KAT2B: variants seen among roughly 807,000 people sequenced by gnomAD.
The protein encoded by KAT2B is histone acetyltransferase KAT2B.
Under a neutral mutation model 105.9 loss-of-function variants are expected in KAT2B, and 36 were observed. The ratio of observed to expected loss-of-function variants is 0.34; its 90% CI spans 0.26 to 0.45. KAT2B has a LOEUF of 0.45. KAT2B is among the 20% of genes least tolerant of loss of function. The probability of loss-of-function intolerance (pLI) is 1.00; values close to 1 mark genes in which losing one functional copy is unlikely to be tolerated. For synonymous variants in KAT2B, 397 were observed against 377.9 expected, an observed-to-expected ratio of 1.05 and a Z score of -0.59; for missense variants, 820 against 1,021.6, an observed-to-expected ratio of 0.80 and a Z score of 2.69.
intron 1 of KAT2B, among the ~76,000 whole-genome samples, chr3:20,061,472 C>G (rs1326649240): frequency 6.6e-6 from 1 of 152,044 alleles, no homozygotes; most frequent in Non-Finnish European, 1.5e-5. Context: ...TTCCTACTTT[C>G]AATTCTTTTG....
intron 1 of KAT2B, among the ~76,000 whole-genome samples, chr3:20,065,083 TAAC>T (rs1271190693): frequency 6.6e-6 from 1 of 152,188 alleles, no homozygotes; most frequent in Non-Finnish European, 1.5e-5. Context: ...CTGCATACTA[TAAC>T]AACATCGGTT....
intron 14 of KAT2B, 184 bp downstream of exon 14, chr3:20,146,614 ACAAAC>A: frequency 2.1e-6 from 1 of 473,510 alleles, no homozygotes; most frequent in Non-Finnish European, 3.8e-6. Flanking sequence ...CCCAATACAA[ACAAAC>A]CAAAGGGAGC....
chr3:20,085,198 TA>T (rs879945197), intron 2 of KAT2B, among the ~76,000 whole-genome samples: 3 of 151,916 alleles, frequency 2.0e-5, no homozygotes, highest in Non-Finnish European at 4.4e-5. Flanking sequence ...TCTATTAATT[TA>T]AAAAAAAAGT....
At chr3:20,123,888 A>G (rs1019114554) in intron 9 of KAT2B, among the ~76,000 whole-genome samples, 5 of 152,148 alleles carry the variant, frequency 3.3e-5, no homozygotes, top group African/African-American at 1.2e-4. Flanking sequence ...ATTGCCTTGC[A>G]TCTGAGGGCA....
At chr3:20,115,049 G>A (rs576967787) in intron 7 of KAT2B, 61 bp downstream of exon 7, 1 of 947,468 alleles carries the variant, frequency 1.1e-6, no homozygotes, top group African/African-American at 1.6e-5. Flanking sequence ...AGTGTAAGTT[G>A]CAGTTCACTG....
At chr3:20,152,282 T>C in intron 17 of KAT2B, 50 bp from the exon 18 acceptor site, 1 of 1,324,726 alleles carries the variant, frequency 7.5e-7, no homozygotes, top group Non-Finnish European at 1.1e-6. Flanking sequence ...TTTTGTCAGC[T>C]GGTGTTTAAA....
intron 13 of KAT2B, among the ~76,000 whole-genome samples, chr3:20,141,190 A>C (rs148085980): frequency 1.8e-4 from 27 of 152,258 alleles, no homozygotes; most frequent in African/African-American, 6.3e-4. Flanking sequence ...CATTTACCTT[A>C]CTGTATATTA....
intron 8 of KAT2B, among the ~76,000 whole-genome samples, chr3:20,122,417 G>A (rs900743603): frequency 3.3e-5 from 5 of 152,136 alleles, no homozygotes; most frequent in Non-Finnish European, 7.4e-5. Context: ...AGGAACATGT[G>A]CCTTAATATT....
chr3:20,107,570 G>A (rs1699043774), intron 5 of KAT2B, among the ~76,000 whole-genome samples: 1 of 147,704 alleles, frequency 6.8e-6, no homozygotes, highest in Admixed American at 6.8e-5. Flanking sequence ...GGGCAGGAGA[G>A]TTGCTTGAAT....
chr3:20,041,126 A>G (rs376654765), intron 1 of KAT2B, among the ~76,000 whole-genome samples: 2 of 152,000 alleles, frequency 1.3e-5, no homozygotes, highest in African/African-American at 2.4e-5. Context: ...GGTGCTCTCC[A>G]TGTGGCGGGT....
chr3:20,108,875 C>G (rs1458241949), intron 5 of KAT2B, among the ~76,000 whole-genome samples: 1 of 152,218 alleles, frequency 6.6e-6, no homozygotes, highest in Non-Finnish European at 1.5e-5. Flanking sequence ...TACATTCTTT[C>G]TGAGAGTCTA....
At chr3:20,119,261 G>A (rs907797112) in intron 7 of KAT2B, among the ~76,000 whole-genome samples, 2 of 149,754 alleles carry the variant, frequency 1.3e-5, no homozygotes, top group Non-Finnish European at 3.0e-5. Flanking sequence ...TTATCATATG[G>A]TGGCTGCCAA....
intron 11 of KAT2B, 52 bp downstream of exon 11, chr3:20,127,601 C>T (rs749016752): frequency 6.4e-7 from 1 of 1,551,760 alleles, no homozygotes; most frequent in East Asian, 2.3e-5. Context: ...GGGCTTCTCA[C>T]TAAGGCCTGC....
At chr3:20,050,944 T>C (rs1258920958) in intron 1 of KAT2B, among the ~76,000 whole-genome samples, 1 of 152,102 alleles carries the variant, frequency 6.6e-6, no homozygotes, top group Admixed American at 6.6e-5. Context: ...CTCATGCCTA[T>C]AATCCCAGCA....
intron 1 of KAT2B, among the ~76,000 whole-genome samples, chr3:20,052,458 T>C (rs1697931570): frequency 6.6e-6 from 1 of 152,142 alleles, no homozygotes; most frequent in Non-Finnish European, 1.5e-5. Context: ...GGATCATACC[T>C]TGCACATAGT....
At chr3:20,137,890 C>G (rs1258396753) in intron 12 of KAT2B, among the ~76,000 whole-genome samples, 3 of 152,114 alleles carry the variant, frequency 2.0e-5, no homozygotes, top group Non-Finnish European at 2.9e-5. Context: ...GCCTGTAATC[C>G]TAGTACTTTG....
At chr3:20,150,444 A>G (rs1699852884) in intron 17 of KAT2B, among the ~76,000 whole-genome samples, 1 of 152,164 alleles carries the variant, frequency 6.6e-6, no homozygotes, top group African/African-American at 2.4e-5. Context: ...AGGGAGTCAC[A>G]CACTGGACAT....
At chr3:20,144,923 G>A (rs1699759880) in intron 13 of KAT2B, among the ~76,000 whole-genome samples, 1 of 151,810 alleles carries the variant, frequency 6.6e-6, no homozygotes, top group African/African-American at 2.4e-5. Flanking sequence ...AGCCTCCTGT[G>A]TAACTGGGAT....
At chr3:20,127,356 A>T in intron 10 of KAT2B, 67 bp from the exon 11 acceptor site, 2 of 1,417,798 alleles carry the variant, frequency 1.4e-6, no homozygotes, top group Admixed American at 1.8e-5. Flanking sequence ...GTTAATAAGG[A>T]ACACCCCAAA....
Sources: allele counts gnomAD v4.1 joint callset (sites outside exome capture counted in the v4.1 genomes callset), GRCh38; gene constraint gnomAD v4.1.1; transcripts MANE v1.5; gene names NCBI Gene and HGNC (gene_info 2026-07-23, HGNC 2026-07-21).